Variants in UBR7 observed in about 807,000 individuals in gnomAD.
UBR7 encodes ubiquitin protein ligase E3 component n-recognin 7, also known as putative E3 ubiquitin-protein ligase UBR7.
In UBR7, 22 loss-of-function variants were observed where a neutral mutation model predicts 57.0. That is an observed-to-expected ratio of 0.39 (90% confidence interval 0.28 to 0.55). The LOEUF (loss-of-function observed/expected upper bound fraction) is 0.55, where lower values mean the gene tolerates loss of function less well. Among genes scored for constraint, UBR7 ranks in the 20% least tolerant of loss-of-function variants. UBR7 has a pLI of 0.69. For missense variants in UBR7, 395 were observed against 513.2 expected (o/e 0.77, Z 2.23); for synonymous variants, 167 against 179.8 (o/e 0.93, Z 0.57).
chr14:93,220,542 A>AT, intron 9 of UBR7, 131 bp downstream of exon 9: 1 of 1,056,464 alleles, frequency 9.5e-7, no homozygotes, highest in Non-Finnish European at 1.4e-6. Context: ...CCATTGCTTG[A>AT]TTTTCATATT....
At position 93,228,037 on chromosome 14, in the gene UBR7, T is replaced by G. The variant is rs1412940119; in HGVS notation, c.*1002T>G. The G allele has an allele frequency of 1.4e-6, 1 of 697,282 alleles. No individual in the cohort carries two copies. The highest frequency in any genetic ancestry group is 2.6e-6 in the Non-Finnish European group (1 of 383,172). 43.2% of individuals were successfully genotyped at this position (697,282 alleles called of 1,614,324 possible). A position where few individuals can be genotyped will look rare whatever the true frequency, so the allele number is the denominator to read the frequency against. On this transcript the variant is annotated 3_prime_UTR_variant, in exon 11 of 11. Coordinates refer to ENST00000013070, the MANE Select transcript of UBR7 (RefSeq NM_175748.4). ...TCTGCTAAAGAAAACAGATCCTGAC[T>G]TAGCTTACTTGAAATAAGCAGGGCA...
chr14:93,224,888 G>T (rs989401315), intron 10 of UBR7, among the ~76,000 whole-genome samples: 1 of 151,600 alleles, frequency 6.6e-6, no homozygotes, highest in African/African-American at 2.4e-5. Flanking sequence ...CTTGATGCTG[G>T]TGCTGTTGCA....
Position 93,227,956 on chromosome 14 carries a change from TTC to T in UBR7, c.*923_*924del, listed in dbSNP as rs1256120071. 4.9e-4 allele frequency: 342 copies of T among 700,288 alleles called. No homozygotes were observed. The highest frequency in any genetic ancestry group is 5.4e-4 in the Non-Finnish European group (208 of 384,774). 43.4% of individuals were successfully genotyped at this position (700,288 alleles called of 1,614,324 possible). ...TATCAAAAATGGACCTATTTTGATATTCTGTTATGAAAATGTTATTAGAACCC... is the reference window on the plus strand; with the variant it reads ...TATCAAAAATGGACCTATTTTGATATTGTTATGAAAATGTTATTAGAACCC... On this transcript the variant is annotated 3_prime_UTR_variant, in exon 11 of 11. Transcript: ENST00000013070.
intron 10 of UBR7, chr14:93,223,535 CT>C: frequency 1.6e-6 from 1 of 620,892 alleles, no homozygotes; most frequent in Non-Finnish European, 2.8e-6. Flanking sequence ...CCTTTTTTTT[CT>C]TTTTTGGGGT....
rs758174561 is a variant in UBR7 at position 93,220,233 on chromosome 14, T to C, written c.961-16T>C. ...GGAAACTCCTCTTTCTTTTTTTTTT[T>C]TTTTTTTCCCTAAAGAAAATGTATG... On this transcript the variant is annotated splice_polypyrimidine_tract_variant and intron_variant, in intron 8 of 10. Transcript: ENST00000013070. The C allele has an allele frequency of 1.3e-6, 2 of 1,598,762 alleles. No homozygotes were observed. Among genetic ancestry groups the C allele is most frequent in the Admixed American group, 1.7e-5 (1 of 58,476 alleles).
In UBR7 at chr14:93,219,363, T is replaced by C; in HGVS notation, c.960+2T>C. On this transcript the variant is annotated splice_donor_variant, in intron 8 of 10. Coordinates refer to ENST00000013070, the MANE Select transcript of UBR7 (RefSeq NM_175748.4). LOFTEE classifies it high-confidence loss of function. Reference sequence around the variant, plus strand: ...TTGTGTACCTGCCAAGACTGTATGGTAAAGTATCTGATTGTGCTCAGTGTT... The same window carrying C: ...TTGTGTACCTGCCAAGACTGTATGGCAAAGTATCTGATTGTGCTCAGTGTT... 1 of 1,614,186 alleles carries C rather than the reference T, an allele frequency of 6.2e-7. No individual in the cohort carries two copies. Among genetic ancestry groups the C allele is most frequent in the Non-Finnish European group, 8.5e-7 (1 of 1,180,036 alleles).
intron 10 of UBR7, 39 bp downstream of exon 10, chr14:93,222,413 G>A: frequency 7.0e-7 from 1 of 1,431,720 alleles, no homozygotes; most frequent in South Asian, 1.1e-5. Flanking sequence ...AGCCCTGTAA[G>A]TTTTGAATGA....
Position 93,227,576 on chromosome 14 carries a change from T to C in UBR7, c.*541T>C. The C allele has an allele frequency of 1.4e-6, 1 of 700,018 alleles. No homozygotes were observed. The highest frequency in any genetic ancestry group is 1.7e-5 in the African/African-American group (1 of 57,290). 43.4% of individuals were successfully genotyped at this position (700,018 alleles called of 1,614,324 possible). ...AGGTTTGGTCATAGCTTAGAAAGGATCTTGGGGCTTGTTTTCTCTAGGCCC... is the reference window on the plus strand; with the variant it reads ...AGGTTTGGTCATAGCTTAGAAAGGACCTTGGGGCTTGTTTTCTCTAGGCCC... On this transcript the variant is annotated 3_prime_UTR_variant, in exon 11 of 11. Transcript: ENST00000013070.
intron 2 of UBR7, 39 bp from the exon 3 acceptor site, chr14:93,210,608 TA>T: frequency 6.5e-7 from 1 of 1,534,434 alleles, no homozygotes; most frequent in Non-Finnish European, 8.9e-7. Flanking sequence ...TTGGATTTTG[TA>T]AAAAGAAAAA....
At position 93,219,329 on chromosome 14, in the gene UBR7, C is replaced by T; in HGVS notation, c.928C>T (p.Arg310Cys). Residue 310 changes from arginine (R) to cysteine (C), a missense_variant, in exon 8 of 11, where the codon CGT becomes TGT. By Grantham distance (180) the Arg-to-Cys change is radical. Transcript: ENST00000013070. Reference sequence around the variant, plus strand: ...TGCCACCTATTGGCCCCTGAACTGGCGTAGCAAGTTGTGTACCTGCCAAGA... The same window carrying T: ...TGCCACCTATTGGCCCCTGAACTGGTGTAGCAAGTTGTGTACCTGCCAAGA... Reference protein sequence around the residue: ...DTATYWPLNWRSKLCTCQDCM... With the variant: ...DTATYWPLNWCSKLCTCQDCM... 6.2e-7 allele frequency: 1 copy of T among 1,614,146 alleles called. No individual in the cohort carries two copies. The highest frequency in any genetic ancestry group is 8.5e-7 in the Non-Finnish European group (1 of 1,180,026).
chr14:93,213,315 A>T (rs77661456), intron 4 of UBR7, among the ~76,000 whole-genome samples: 22 of 147,248 alleles, frequency 1.5e-4, no homozygotes, highest in Non-Finnish European at 2.6e-4. Flanking sequence ...CTTTTTTTTC[A>T]TTTTTTTTTT....
rs1894638957 is a variant in UBR7, at chr14:93,218,573, T to A, written c.648T>A (p.Asp216Glu). Residue 216 changes from aspartate to glutamate, a missense_variant, in exon 7 of 11, where the codon GAT becomes GAA. Asp to Glu is a conservative substitution (Grantham distance 45, BLOSUM62 2). Coordinates refer to ENST00000013070, the MANE Select transcript of UBR7 (RefSeq NM_175748.4). Reference sequence around the variant, plus strand: ...ATGATGGATTGGTGCGGAACATTGATGGAATAGGTGATCAGGAAGTTATCA... The same window carrying A: ...ATGATGGATTGGTGCGGAACATTGAAGGAATAGGTGATCAGGAAGTTATCA... ...TEDDGLVRNI[D>E]GIGDQEVIKP... 6.2e-7 allele frequency: 1 copy of A among 1,613,920 alleles called. No individual in the cohort carries two copies. Among genetic ancestry groups the A allele is most frequent in the Admixed American group, 1.7e-5 (1 of 59,992 alleles).
At position 93,223,638 on chromosome 14, in the gene UBR7, T is replaced by C. The variant is rs1894762754; in HGVS notation, c.1185+1264T>C. On this transcript the variant is annotated intron_variant, in intron 10 of 10. Transcript: ENST00000013070. ...GGGCCTCTTGGTGGTGAAGCGTGGCTTGGGCTGACGGGCAGGACCCGGTGG... is the reference window on the plus strand; with the variant it reads ...GGGCCTCTTGGTGGTGAAGCGTGGCCTGGGCTGACGGGCAGGACCCGGTGG... 7.2e-6 allele frequency: 10 copies of C among 1,382,010 alleles called. 2 individuals are homozygous for C. The South Asian group carries it at 1.1e-4, about 15-fold the overall frequency. The allele number at this position is 1,382,010 out of a possible 1,614,324, so 85.6% of individuals were successfully genotyped here. A position where few individuals can be genotyped will look rare whatever the true frequency, so the allele number is the denominator to read the frequency against.
intron 10 of UBR7, among the ~76,000 whole-genome samples, chr14:93,225,575 A>G (rs1178792172): frequency 2.0e-5 from 3 of 152,144 alleles, no homozygotes; most frequent in Non-Finnish European, 4.4e-5. Flanking sequence ...TGAGGCTCCA[A>G]TGAGCTATCA....
At chr14:93,214,782 T>G (rs1894557085) in intron 4 of UBR7, 147 bp from the exon 5 acceptor site, 1 of 741,732 alleles carries the variant, frequency 1.3e-6, no homozygotes, top group African/African-American at 1.7e-5. Flanking sequence ...GCCTTGAGAT[T>G]GTTTGTAAAG....
rs1183123296 is a variant in UBR7 at position 93,229,141 on chromosome 14, T to G, written c.*2106T>G. 8.6e-6 allele frequency: 3 copies of G among 349,606 alleles called. No individual in the cohort carries two copies. Among genetic ancestry groups the G allele is most frequent in the Non-Finnish European group, 1.7e-5 (3 of 178,250 alleles). 21.7% of individuals were successfully genotyped at this position (349,606 alleles called of 1,614,324 possible). ...ATTGTATGTGCATTTTTGTAGAAAT[T>G]GTTACTGGACTTATAATTACATACT... On this transcript the variant is annotated 3_prime_UTR_variant, in exon 11 of 11. Transcript: ENST00000013070.
intron 3 of UBR7, 49 bp from the exon 4 acceptor site, chr14:93,211,983 A>G: frequency 7.3e-7 from 1 of 1,374,838 alleles, no homozygotes; most frequent in Non-Finnish European, 1.0e-6. Flanking sequence ...GTGTGAAATT[A>G]TAGTTAAAAT....
At chr14:93,220,557 GGTA>G in intron 9 of UBR7, 146 bp downstream of exon 9, 1 of 936,372 alleles carries the variant, frequency 1.1e-6, no homozygotes, top group Non-Finnish European at 1.6e-6. Context: ...CATATTGGTG[GGTA>G]TTCAGCTGCT....
rs187170718 is a variant in UBR7, at chr14:93,227,537, G to A, written c.*502G>A. On this transcript the variant is annotated 3_prime_UTR_variant, in exon 11 of 11. Coordinates refer to ENST00000013070, the MANE Select transcript of UBR7 (RefSeq NM_175748.4). ...AAGCCTGGTCTGCTCCTTCTTTCAC[G>A]TCCCTGTTTTCTGAGGTTTGGTCAT... is the stretch of plus-strand genomic sequence containing the variant. The A allele has an allele frequency of 1.9e-5, 13 of 698,848 alleles. No homozygotes were observed. The highest frequency in any genetic ancestry group is 8.7e-5 in the African/African-American group (5 of 57,218). The allele number at this position is 698,848 out of a possible 1,614,324, so 43.3% of individuals were successfully genotyped here.
Sources: gnomAD v4.1 joint callset for allele counts (sites outside exome capture counted in the v4.1 genomes callset) on GRCh38, gnomAD v4.1.1 for gene constraint, MANE v1.5 for transcripts, NCBI Gene and HGNC (gene_info 2026-07-23, HGNC 2026-07-21) for gene names.